IL12B: variants seen among roughly 807,000 people sequenced by gnomAD.
The protein encoded by IL12B is interleukin 12B, also known as interleukin-12 subunit beta.
A neutral mutation model predicts 39.2 loss-of-function variants in IL12B; 27 were observed. The observed-to-expected ratio is 0.69, with a 90% CI of 0.51 to 0.95. IL12B has a LOEUF of 0.95. Among genes scored for constraint, IL12B ranks in the 40% least tolerant of loss-of-function variants. IL12B has a pLI of 0.00. For synonymous variants in IL12B, 142 were observed against 152.1 expected, an observed-to-expected ratio of 0.93 and a Z score of 0.49; for missense variants, 351 against 397.6, an observed-to-expected ratio of 0.88 and a Z score of 1.00.
rs1753985021 is a variant in IL12B at position 159,316,104 on chromosome 5, G to A, written c.*1-4C>T. On this transcript the variant is annotated splice_region_variant and splice_polypyrimidine_tract_variant and intron_variant, in intron 7 of 7. Transcript: ENST00000231228. The stretch of plus-strand genomic sequence containing the variant: ...AATTTTCATCCTGGATCAGAACCTG[G>A]AAGAGAATGCCAAAAGTTGATGTGG... The A allele has an allele frequency of 6.5e-6, 1 of 153,806 alleles. No individual in the cohort carries two copies. The highest frequency in any genetic ancestry group is 2.4e-5 in the African/African-American group (1 of 41,438). 9.5% of individuals were successfully genotyped at this position (153,806 alleles called of 1,614,324 possible).
chr5:159,319,877 G>A (rs531112403), intron 5 of IL12B, among the ~76,000 whole-genome samples: 2 of 152,322 alleles, frequency 1.3e-5, no homozygotes, highest in South Asian at 2.1e-4. Context: ...ATTTTGGAAG[G>A]GTTTATATTC....
chr5:159,328,471 G>A (rs994778271), intron 1 of IL12B, among the ~76,000 whole-genome samples: 11 of 152,200 alleles, frequency 7.2e-5, no homozygotes, highest in African/African-American at 2.7e-4. Flanking sequence ...TCAAAGGCTT[G>A]TTGGGAAAGG....
At chr5:159,327,129 T>C (rs966471286) in intron 1 of IL12B, among the ~76,000 whole-genome samples, 3 of 152,162 alleles carry the variant, frequency 2.0e-5, no homozygotes, top group Non-Finnish European at 4.4e-5. Context: ...AGAGAAGGAA[T>C]GTGACTTTCT....
rs1753993041 is a variant in IL12B at position 159,316,579 on chromosome 5, T to C, written c.*106A>G. The C allele has an allele frequency of 4.1e-6, 5 of 1,219,970 alleles. No homozygotes were observed. The Admixed American group carries it at 6.0e-5, about 15-fold the overall frequency. The allele number at this position is 1,219,970 out of a possible 1,614,324, so 75.6% of individuals were successfully genotyped here. On this transcript the variant is annotated intron_variant, in intron 7 of 7. Coordinates refer to ENST00000231228, the MANE Select transcript of IL12B (RefSeq NM_002187.3). ...GTTTCTGATTCTGGCAACTGGGTGC[T>C]GGCCACTCCATCCCCCTTTCCTCTC...
In IL12B at chr5:159,320,515, G is replaced by A; in HGVS notation, c.488C>T (p.Ser163Phe). 6.2e-7 allele frequency: 1 copy of A among 1,613,546 alleles called. No individual in the cohort carries two copies. Among genetic ancestry groups the A allele is most frequent in the African/African-American group, 1.3e-5 (1 of 75,036 alleles). Residue 163 changes from serine to phenylalanine, a missense_variant, in exon 5 of 8, where the codon TCT becomes TTT. Coordinates refer to ENST00000231228, the MANE Select transcript of IL12B (RefSeq NM_002187.3). ...TCCGCACGTCACCCCTTGGGGGTCA[G>A]AAGAGCTGAAGTCAAAGACAGAAAT... ...TFSVKSSRGS[S>F]DPQGVTCGAA... is the part of the protein sequence containing the mutation.
At chr5:159,317,834 G>A (rs114428285) in intron 6 of IL12B, among the ~76,000 whole-genome samples, 2,018 of 152,286 alleles carry the variant, frequency 0.013, 50 homozygotes, top group African/African-American at 0.047. Context: ...TGGAGCCCAG[G>A]TCTCCTCTAT....
In IL12B at chr5:159,315,085, A is replaced by T. The variant is rs547204212; in HGVS notation, c.*1016T>A. 6 of 152,456 alleles carry T rather than the reference A, an allele frequency of 3.9e-5. No homozygotes were observed. The South Asian group carries it at 1.0e-3, about 26-fold the overall frequency. The allele number at this position is 152,456 out of a possible 1,614,324, so 9.4% of individuals were successfully genotyped here. The stretch of plus-strand genomic sequence containing the variant: ...TACTTGTCCTCTCTCTTGAATCTTA[A>T]GATCTTTTTGCCTTCCAGACACTTA... On this transcript the variant is annotated 3_prime_UTR_variant, in exon 8 of 8. Transcript: ENST00000231228.
chr5:159,322,927 T>C, intron 3 of IL12B, 127 bp downstream of exon 3: 1 of 937,336 alleles, frequency 1.1e-6, no homozygotes, highest in Non-Finnish European at 1.7e-6. Flanking sequence ...TCAATTAACA[T>C]CAATAAGAGA....
intron 6 of IL12B, among the ~76,000 whole-genome samples, chr5:159,318,535 C>A (rs1754028325): frequency 6.6e-6 from 1 of 152,190 alleles, no homozygotes; most frequent in Admixed American, 6.5e-5. Flanking sequence ...GCGTAGTAGG[C>A]TATACCATCT....
intron 4 of IL12B, 68 bp from the exon 5 acceptor site, chr5:159,320,588 G>T: frequency 8.2e-7 from 1 of 1,219,730 alleles, no homozygotes; most frequent in Non-Finnish European, 1.2e-6. Flanking sequence ...ATTGTAGCCA[G>T]TAAGGCAGGT....
Position 159,320,510 on chromosome 5 carries a change from G to T in IL12B, c.493C>A (p.Pro165Thr). ...GCAGCTCCGCACGTCACCCCTTGGGGGTCAGAAGAGCTGAAGTCAAAGACA... is the reference window on the plus strand; with the variant it reads ...GCAGCTCCGCACGTCACCCCTTGGGTGTCAGAAGAGCTGAAGTCAAAGACA... ...SVKSSRGSSD[P>T]QGVTCGAATL... Residue 165 changes from proline (P) to threonine (T), a missense_variant, in exon 5 of 8, where the codon CCC becomes ACC. Transcript: ENST00000231228. 1 of 1,613,932 alleles carries T rather than the reference G, an allele frequency of 6.2e-7. No homozygotes were observed. The highest frequency in any genetic ancestry group is 1.1e-5 in the South Asian group (1 of 91,066).
intron 7 of IL12B, 147 bp downstream of exon 7, chr5:159,316,538 T>A: frequency 1.3e-6 from 1 of 791,642 alleles, no homozygotes; most frequent in Non-Finnish European, 2.1e-6. Flanking sequence ...AAATATCTGT[T>A]AGTGAATAAA....
intron 2 of IL12B, among the ~76,000 whole-genome samples, chr5:159,324,108 A>G (rs1403160767): frequency 6.6e-6 from 1 of 151,652 alleles, no homozygotes; most frequent in Non-Finnish European, 1.5e-5. Flanking sequence ...TATTATTATT[A>G]TTATTATTAT....
chr5:159,322,538 A>G, intron 3 of IL12B, 27 bp from the exon 4 acceptor site: 1 of 1,448,148 alleles, frequency 6.9e-7, no homozygotes, highest in Non-Finnish European at 9.7e-7. Flanking sequence ...CAAAAATTCA[A>G]TATTTAGGAG....
chr5:159,326,761 T>A lies in IL12B; in HGVS notation c.22A>T (p.Ile8Phe). The change falls in exon 2 of 8, where the codon ATC (isoleucine) becomes TTC (phenylalanine). Residue 8 changes from isoleucine to phenylalanine, a missense_variant. Coordinates refer to ENST00000231228, the MANE Select transcript of IL12B (RefSeq NM_002187.3). MCHQQLV[I>F]SWFSLVFLAS... ...AGAAAAACCAGGGAAAACCAAGAGA[T>A]GACCAACTGCTGGTGACACATCTAT... 1.2e-6 allele frequency: 2 copies of A among 1,611,690 alleles called. No individual in the cohort carries two copies. Among genetic ancestry groups the A allele is most frequent in the Non-Finnish European group, 8.5e-7 (1 of 1,178,304 alleles).
chr5:159,326,888 C>A, intron 1 of IL12B, 106 bp from the exon 2 acceptor site: 1 of 770,956 alleles, frequency 1.3e-6, no homozygotes, highest in Admixed American at 2.0e-5. Context: ...CTTTGTGAAC[C>A]ATATACACAT....
At chr5:159,318,244 G>A (rs1754021066) in intron 6 of IL12B, 1 of 154,410 alleles carries the variant, frequency 6.5e-6, no homozygotes, top group African/African-American at 2.4e-5. Context: ...CGTTAATTTT[G>A]TAGATTAAGT....
chr5:159,316,775 G>A lies in IL12B; in HGVS notation c.897C>T (p.Ile299=), dbSNP rs150902695. 2.9e-5 allele frequency: 47 copies of A among 1,614,142 alleles called. No individual in the cohort carries two copies. In the African/African-American group the frequency reaches 4.1e-4, roughly 14 times the overall value. Residue 299 remains isoleucine, a synonymous_variant, in exon 7 of 8, where the codon ATC becomes ATT. Transcript: ENST00000231228. The stretch of plus-strand genomic sequence containing the variant: ...CGCTAATGCTGGCATTTTTGCGGCA[G>A]ATGACCGTGGCTGAGGTCTTGTCCG... ...VFTDKTSATV[I]CRKNASISVR...
rs1289447505 is a variant in IL12B at position 159,320,525 on chromosome 5, A to T, written c.483-5T>A. 12 of 1,611,664 alleles carry T rather than the reference A, an allele frequency of 7.4e-6. No individual in the cohort carries two copies. The highest frequency in any genetic ancestry group is 8.5e-6 in the Non-Finnish European group (10 of 1,178,012). On this transcript the variant is annotated splice_region_variant and splice_polypyrimidine_tract_variant and intron_variant, in intron 4 of 7. Transcript: ENST00000231228. ...ACCCCTTGGGGGTCAGAAGAGCTGA[A>T]GTCAAAGACAGAAATTAGCCTGTGT...
Sources: allele counts gnomAD v4.1 joint callset (sites outside exome capture counted in the v4.1 genomes callset), GRCh38; gene constraint gnomAD v4.1.1; transcripts MANE v1.5; gene names NCBI Gene and HGNC (gene_info 2026-07-23, HGNC 2026-07-21).